The following REEP1 variants were observed in gnomAD, a reference collection of about 807,000 sequenced individuals.
The protein encoded by REEP1 is receptor expression-enhancing protein 1.
A neutral mutation model predicts 40.3 loss-of-function variants in REEP1; 22 were observed. The ratio of observed to expected loss-of-function variants is 0.55; its 90% CI spans 0.39 to 0.78. The LOEUF (loss-of-function observed/expected upper bound fraction) is 0.78, where lower values mean the gene tolerates loss of function less well. Among genes scored for constraint, REEP1 ranks in the 30% least tolerant of loss-of-function variants. REEP1 has a pLI of 0.00. For synonymous variants in REEP1, 116 were observed against 139.2 expected (o/e 0.83, Z 1.17); for missense variants, 280 against 361.1 (o/e 0.78, Z 1.82).
chr2:86,312,273 A>C (rs1679798788), intron 1 of REEP1, among the ~76,000 whole-genome samples: 1 of 152,136 alleles, frequency 6.6e-6, no homozygotes, highest in South Asian at 2.1e-4. Flanking sequence ...ACATAACTTC[A>C]TACTGGCTGC....
intron 1 of REEP1, among the ~76,000 whole-genome samples, chr2:86,295,244 G>A (rs1476314966): frequency 1.3e-5 from 2 of 152,136 alleles, no homozygotes; most frequent in Non-Finnish European, 2.9e-5. Context: ...GGCCAACCTG[G>A]GGAAGAAGGA....
intron 5 of REEP1, among the ~76,000 whole-genome samples, chr2:86,246,275 C>G (rs960148864): frequency 2.6e-5 from 4 of 152,112 alleles, no homozygotes; most frequent in African/African-American, 9.7e-5. Flanking sequence ...GGAAAAGAAG[C>G]CAGAGCCCCT....
At chr2:86,316,226 A>G (rs1214965128) in intron 1 of REEP1, among the ~76,000 whole-genome samples, 1 of 152,142 alleles carries the variant, frequency 6.6e-6, no homozygotes, top group Non-Finnish European at 1.5e-5. Flanking sequence ...TTTAACTGAT[A>G]TACCTGCAAA....
chr2:86,224,283 T>C (rs1304334974), intron 7 of REEP1, among the ~76,000 whole-genome samples: 1 of 152,168 alleles, frequency 6.6e-6, no homozygotes, highest in East Asian at 1.9e-4. Context: ...TGTGACAACA[T>C]TTCAGGGGAC....
At chr2:86,326,647 G>C (rs1245820256) in intron 1 of REEP1, among the ~76,000 whole-genome samples, 1 of 152,098 alleles carries the variant, frequency 6.6e-6, no homozygotes, top group Non-Finnish European at 1.5e-5. Context: ...GGGAGGCGGA[G>C]GTTGCAGTGA....
intron 6 of REEP1, 130 bp downstream of exon 6, chr2:86,232,495 T>G: frequency 8.8e-7 from 1 of 1,137,260 alleles, no homozygotes; most frequent in Non-Finnish European, 1.3e-6. Context: ...TGGCATGATC[T>G]GATGGACACC....
chr2:86,219,168 T>A (rs1674282399), intron 8 of REEP1, among the ~76,000 whole-genome samples: 1 of 152,210 alleles, frequency 6.6e-6, no homozygotes, highest in African/African-American at 2.4e-5. Context: ...TTGGTTTTGG[T>A]AACCCTAAAG....
intron 5 of REEP1, among the ~76,000 whole-genome samples, chr2:86,247,461 T>C (rs1449469349): frequency 6.6e-6 from 1 of 152,132 alleles, no homozygotes; most frequent in East Asian, 1.9e-4. Context: ...CTACTTGGAA[T>C]GCTGAGGTAG....
intron 5 of REEP1, among the ~76,000 whole-genome samples, chr2:86,250,920 C>G (rs951735865): frequency 6.6e-6 from 1 of 152,168 alleles, no homozygotes; most frequent in African/African-American, 2.4e-5. Context: ...ATCCTGCCAT[C>G]CGCACAATGT....
intron 1 of REEP1, among the ~76,000 whole-genome samples, chr2:86,290,194 A>G (rs1424332665): frequency 6.6e-6 from 1 of 151,986 alleles, no homozygotes; most frequent in African/African-American, 2.4e-5. Context: ...ACGGGGATTC[A>G]CTATGTTGGC....
intron 1 of REEP1, among the ~76,000 whole-genome samples, chr2:86,308,469 C>A (rs75245485): frequency 0.079 from 12,019 of 152,218 alleles, 777 homozygotes; most frequent in African/African-American, 0.17. Context: ...GTGGGACGAT[C>A]GCTTGAGCAT....
At chr2:86,285,706 C>T (rs989733367) in intron 1 of REEP1, among the ~76,000 whole-genome samples, 2 of 152,178 alleles carry the variant, frequency 1.3e-5, no homozygotes, top group African/African-American at 2.4e-5. Flanking sequence ...TAGTCCTGGG[C>T]AATCAGGAGG....
At chr2:86,258,779 T>G in intron 3 of REEP1, among the ~76,000 whole-genome samples, 1 of 152,136 alleles carries the variant, frequency 6.6e-6, no homozygotes, top group East Asian at 1.9e-4. Context: ...GAGATGTATT[T>G]GAAAAGGCCA....
intron 5 of REEP1, 60 bp downstream of exon 5, chr2:86,251,897 T>C (rs1394636014): frequency 6.1e-6 from 7 of 1,152,776 alleles, no homozygotes; most frequent in Non-Finnish European, 9.2e-6. Context: ...GCACAGGTGA[T>C]GAGCAGGGCA....
At chr2:86,261,671 G>A (rs1003637285) in intron 3 of REEP1, among the ~76,000 whole-genome samples, 1 of 152,204 alleles carries the variant, frequency 6.6e-6, no homozygotes, top group African/African-American at 2.4e-5. Context: ...CTGAAATATG[G>A]CCTCATGGGA....
At chr2:86,245,039 G>C (rs1395498800) in intron 5 of REEP1, among the ~76,000 whole-genome samples, 1 of 152,170 alleles carries the variant, frequency 6.6e-6, no homozygotes, top group African/African-American at 2.4e-5. Flanking sequence ...CCAGCTACTC[G>C]GGAGGCTGAG....
At chr2:86,305,292 A>G (rs1679431008) in intron 1 of REEP1, among the ~76,000 whole-genome samples, 1 of 152,050 alleles carries the variant, frequency 6.6e-6, no homozygotes, top group African/African-American at 2.4e-5. Context: ...ACTTGCATCC[A>G]AAGGAATCTC....
At chr2:86,256,291 T>C (rs1357306729) in intron 3 of REEP1, among the ~76,000 whole-genome samples, 1 of 143,414 alleles carries the variant, frequency 7.0e-6, no homozygotes, top group Non-Finnish European at 1.5e-5. Context: ...GAGGTTGCAG[T>C]GAGCCGAGAT....
At chr2:86,247,159 C>A (rs2104185528) in intron 5 of REEP1, among the ~76,000 whole-genome samples, 1 of 151,970 alleles carries the variant, frequency 6.6e-6, no homozygotes, top group African/African-American at 2.4e-5. Flanking sequence ...AGACAGGTAC[C>A]ATGTAGGAGC....
Sources: gnomAD v4.1 joint callset for allele counts (sites outside exome capture counted in the v4.1 genomes callset) on GRCh38, gnomAD v4.1.1 for gene constraint, MANE v1.5 for transcripts, NCBI Gene and HGNC (gene_info 2026-07-23, HGNC 2026-07-21) for gene names.